CRPPA: variants seen among roughly 807,000 people sequenced by gnomAD.
CRPPA encodes the protein D-ribitol-5-phosphate cytidylyltransferase.
CRPPA carries 43 observed loss-of-function variants against 52.0 expected under a neutral mutation model. The ratio of observed to expected loss-of-function variants is 0.83; its 90% CI spans 0.65 to 1.07. The LOEUF (loss-of-function observed/expected upper bound fraction) is 1.07. CRPPA is among the 50% of genes least tolerant of loss of function. CRPPA has a pLI of 0.00. For synonymous variants in CRPPA, 250 were observed against 203.5 expected (o/e 1.23, Z -1.94); for missense variants, 629 against 551.7 (o/e 1.14, Z -1.40).
intron 5 of CRPPA, among the ~76,000 whole-genome samples, chr7:16,289,341 C>T (rs1490894744): frequency 6.6e-6 from 1 of 152,098 alleles, no homozygotes; most frequent in Non-Finnish European, 1.5e-5. Context: ...GGAAATTCTT[C>T]CTAACTCATT....
intron 9 of CRPPA, among the ~76,000 whole-genome samples, chr7:16,129,088 C>T (rs1782634883): frequency 6.6e-6 from 1 of 152,040 alleles, no homozygotes; most frequent in African/African-American, 2.4e-5. Flanking sequence ...TATTATCACA[C>T]CCACTATTTT....
rs535337711 is a variant in CRPPA, at chr7:16,322,785, G to A, written c.685-14158C>T. ...TGGGTATATAGTGAACAGTGTATCA[G>A]TCCGTTCTCATGCTGCTATGAAGAA... is the stretch of plus-strand genomic sequence containing the variant. On this transcript the variant is annotated intron_variant, in intron 3 of 9. Coordinates refer to ENST00000407010, the MANE Select transcript of CRPPA (RefSeq NM_001101426.4). Among the ~76,000 whole-genome samples, 169 of 152,216 alleles carry A rather than the reference G, an allele frequency of 1.1e-3. 1 individual carries two copies. The highest frequency in any genetic ancestry group is 1.7e-3 in the Non-Finnish European group (113 of 68,022).
intron 3 of CRPPA, among the ~76,000 whole-genome samples, chr7:16,338,739 A>C (rs1016616369): frequency 2.6e-5 from 4 of 152,104 alleles, no homozygotes; most frequent in Non-Finnish European, 5.9e-5. Context: ...AATGTCTATT[A>C]AGGAAATTAA....
At chr7:16,393,843 T>C (rs890655473) in intron 2 of CRPPA, among the ~76,000 whole-genome samples, 10 of 152,072 alleles carry the variant, frequency 6.6e-5, no homozygotes, top group Non-Finnish European at 5.9e-5. Flanking sequence ...GTCCAGAATA[T>C]ATAACTCCTA....
intron 8 of CRPPA, among the ~76,000 whole-genome samples, chr7:16,227,672 T>G (rs1203452900): frequency 6.6e-6 from 1 of 151,818 alleles, no homozygotes; most frequent in East Asian, 1.9e-4. Context: ...AGTTCGCATA[T>G]GAGATGTATG....
intron 9 of CRPPA, among the ~76,000 whole-genome samples, chr7:16,159,748 G>C (rs1783263250): frequency 6.6e-6 from 1 of 152,126 alleles, no homozygotes; most frequent in African/African-American, 2.4e-5. Flanking sequence ...TGGGTCAAAT[G>C]CTATTTCTAC....
chr7:16,094,619 T>A (rs1370073345), intron 9 of CRPPA, among the ~76,000 whole-genome samples: 2 of 151,946 alleles, frequency 1.3e-5, no homozygotes, highest in Non-Finnish European at 2.9e-5. Flanking sequence ...TTTTGTGAGT[T>A]CCAAATATTA....
chr7:16,214,615 C>T (rs527705432), intron 9 of CRPPA, among the ~76,000 whole-genome samples: 39 of 152,244 alleles, frequency 2.6e-4, no homozygotes, highest in African/African-American at 8.9e-4. Flanking sequence ...AGTGATTCTC[C>T]CACCTCAGCC....
Position 16,131,573 on chromosome 7 carries a change from G to C in CRPPA, c.1252-39774C>G, listed in dbSNP as rs1028996237. Among the ~76,000 whole-genome samples, 5 of 152,048 alleles carry C rather than the reference G, an allele frequency of 3.3e-5. No homozygotes were observed. The East Asian group carries it at 7.8e-4, about 24-fold the overall frequency. ...CATGTGCAGAGTGCCCAGGTGTCAA[G>C]GCTTTCTCCACCTAGATTTTTCTTT... On this transcript the variant is annotated intron_variant, in intron 9 of 9. Transcript: ENST00000407010.
At chr7:16,378,984 T>C (rs1186510219) in intron 2 of CRPPA, among the ~76,000 whole-genome samples, 1 of 152,106 alleles carries the variant, frequency 6.6e-6, no homozygotes, top group East Asian at 1.9e-4. Context: ...TTTGTTTGAG[T>C]TCATTGTAGA....
chr7:16,155,876 A>C (rs1426439512), intron 9 of CRPPA, among the ~76,000 whole-genome samples: 1 of 152,114 alleles, frequency 6.6e-6, no homozygotes, highest in Non-Finnish European at 1.5e-5. Flanking sequence ...ACAATAATAG[A>C]GGGATACTTT....
chr7:16,401,194 G>A (rs1275637934), intron 2 of CRPPA, among the ~76,000 whole-genome samples: 2 of 152,170 alleles, frequency 1.3e-5, no homozygotes, highest in South Asian at 2.1e-4. Context: ...ATTAGCATAA[G>A]CTCAGGTATA....
intron 9 of CRPPA, among the ~76,000 whole-genome samples, chr7:16,112,701 C>A (rs2128367472): frequency 6.6e-6 from 1 of 152,202 alleles, no homozygotes; most frequent in Non-Finnish European, 1.5e-5. Context: ...TGGAACCTTT[C>A]TTGGTAGGGG....
chr7:16,275,615 G>A (rs1424242496), intron 6 of CRPPA, among the ~76,000 whole-genome samples: 1 of 151,890 alleles, frequency 6.6e-6, no homozygotes, highest in African/African-American at 2.4e-5. Flanking sequence ...ATCACTTGAG[G>A]CCAGGAGTTT....
intron 9 of CRPPA, among the ~76,000 whole-genome samples, chr7:16,123,830 T>G (rs993313263): frequency 6.6e-6 from 1 of 152,212 alleles, no homozygotes; most frequent in Non-Finnish European, 1.5e-5. Context: ...ACCAGCCATT[T>G]TACAAAATAA....
intron 2 of CRPPA, among the ~76,000 whole-genome samples, chr7:16,377,501 A>C (rs1321807680): frequency 6.6e-6 from 1 of 152,262 alleles, no homozygotes; most frequent in Non-Finnish European, 1.5e-5. Flanking sequence ...TGAGACATCC[A>C]AAATGCCAAT....
chr7:16,151,119 G>C (rs75637816), intron 9 of CRPPA, among the ~76,000 whole-genome samples: 39 of 152,232 alleles, frequency 2.6e-4, no homozygotes, highest in African/African-American at 9.4e-4. Flanking sequence ...CACACCAGTA[G>C]GATTCACTGG....
At chr7:16,105,599 T>C (rs928562345) in intron 9 of CRPPA, among the ~76,000 whole-genome samples, 8 of 152,198 alleles carry the variant, frequency 5.3e-5, no homozygotes, top group Admixed American at 4.6e-4. Context: ...ATCTTGGTGG[T>C]ACCTCTGTGT....
intron 9 of CRPPA, among the ~76,000 whole-genome samples, chr7:16,152,669 T>A (rs377556598): frequency 2.1e-4 from 32 of 152,152 alleles, no homozygotes; most frequent in African/African-American, 7.7e-4. Flanking sequence ...AATTATATAC[T>A]GATTTTGCCC....
Sources: allele counts gnomAD v4.1 joint callset (sites outside exome capture counted in the v4.1 genomes callset), GRCh38; gene constraint gnomAD v4.1.1; transcripts MANE v1.5; gene names NCBI Gene and HGNC (gene_info 2026-07-23, HGNC 2026-07-21).